CYTH1: variants seen among roughly 807,000 people sequenced by gnomAD.
The protein encoded by CYTH1 is cytohesin 1.
A neutral mutation model predicts 61.8 loss-of-function variants in CYTH1; 18 were observed. The ratio of observed to expected loss-of-function variants is 0.29; its 90% CI spans 0.20 to 0.43. The LOEUF is 0.43. CYTH1 is among the 20% of genes least tolerant of loss of function. CYTH1 has a pLI of 1.00. For missense variants in CYTH1, 336 were observed against 510.5 expected, an observed-to-expected ratio of 0.66 and a Z score of 3.29; for synonymous variants, 174 against 184.3, an observed-to-expected ratio of 0.94 and a Z score of 0.45.
intron 9 of CYTH1, among the ~76,000 whole-genome samples, chr17:78,696,430 C>G (rs960478999): frequency 1.3e-5 from 2 of 152,220 alleles, no homozygotes; most frequent in Non-Finnish European, 2.9e-5. Flanking sequence ...AGAATGCACA[C>G]ACATATACCC....
At chr17:78,738,618 C>G (rs2093330424) in intron 1 of CYTH1, among the ~76,000 whole-genome samples, 1 of 148,064 alleles carries the variant, frequency 6.8e-6, no homozygotes, top group Non-Finnish European at 1.5e-5. Flanking sequence ...AATACATATG[C>G]ATATATTTAA....
chr17:78,766,011 T>G lies in CYTH1; in HGVS notation c.22+16191A>C, dbSNP rs2093447008. On this transcript the variant is annotated intron_variant, in intron 1 of 13. Transcript: ENST00000446868. ...TGGCTCAAACCTGTAATCCCAGCAC[T>G]TTGGGGGTGGGAGGATCGTCTGAGC... Among the ~76,000 whole-genome samples the G allele has an allele frequency of 2.8e-5, 4 of 140,724 alleles. No homozygotes were observed. In the Admixed American group the frequency reaches 3.1e-4, roughly 11 times the overall value. 92.3% of individuals were successfully genotyped at this position (140,724 alleles called of 152,430 possible).
chr17:78,774,306 G>A (rs1567887456), intron 1 of CYTH1, among the ~76,000 whole-genome samples: 1 of 152,222 alleles, frequency 6.6e-6, no homozygotes, highest in Non-Finnish European at 1.5e-5. Context: ...GATTTTCTAA[G>A]AAGGTGTTCA....
intron 13 of CYTH1, chr17:78,676,692 G>A (rs1437031957): frequency 1.3e-5 from 4 of 317,648 alleles, no homozygotes; most frequent in Non-Finnish European, 2.5e-5. Flanking sequence ...CCAGCACGAT[G>A]CTGCTGGTGG....
chr17:78,701,773 T>C (rs1904658084), intron 5 of CYTH1, 22 bp from the exon 6 acceptor site: 4 of 1,612,366 alleles, frequency 2.5e-6, no homozygotes, highest in African/African-American at 1.3e-5. Context: ...AGACAAAAAA[T>C]GGGAGAGAAA....
intron 13 of CYTH1, among the ~76,000 whole-genome samples, chr17:78,679,877 C>A (rs773201715): frequency 1.3e-5 from 2 of 152,184 alleles, no homozygotes; most frequent in African/African-American, 4.8e-5. Flanking sequence ...AGAATGAGAG[C>A]GGCTTCGTCA....
chr17:78,758,938 C>T (rs1477078944), intron 1 of CYTH1, among the ~76,000 whole-genome samples: 3 of 152,056 alleles, frequency 2.0e-5, no homozygotes, highest in South Asian at 2.1e-4. Flanking sequence ...CAGTAGGTCT[C>T]GTTATCTACT....
chr17:78,687,072 C>T lies in CYTH1; in HGVS notation c.891+5345G>A, dbSNP rs12946925. ...CTGGGATTACAGGAGTGAGCCACCG[C>T]GCCCAGCCTACATTACATTTATTGT... is the stretch of plus-strand genomic sequence containing the variant. On this transcript the variant is annotated intron_variant, in intron 11 of 13. Transcript: ENST00000446868. Among the ~76,000 whole-genome samples, 264 of 152,188 alleles carry T rather than the reference C, an allele frequency of 1.7e-3. 1 individual carries two copies. In the East Asian group the frequency reaches 0.035, roughly 20 times the overall value.
chr17:78,755,665 G>A (rs746352115), intron 1 of CYTH1, among the ~76,000 whole-genome samples: 2 of 152,016 alleles, frequency 1.3e-5, no homozygotes, highest in African/African-American at 2.4e-5. Context: ...GACATGAAGC[G>A]GCGGCCAGGC....
chr17:78,700,617 C>T lies in CYTH1; in HGVS notation c.438-174G>A, dbSNP rs1277757305. Among the ~76,000 whole-genome samples, 3 of 151,990 alleles carry T rather than the reference C, an allele frequency of 2.0e-5. No individual in the cohort carries two copies. Among genetic ancestry groups the T allele is most frequent in the Non-Finnish European group, 2.9e-5 (2 of 67,998 alleles). ...TTGGCTCACTGCAACCTCTGCCTGC[C>T]GGGTTCAGGCAATCTTCTGCCTCAG... On this transcript the variant is annotated intron_variant, in intron 6 of 13. Transcript: ENST00000446868. The surrounding 1 kb of genome is among the most constrained non-coding windows in gnomAD (Gnocchi z 5.1).
intron 1 of CYTH1, among the ~76,000 whole-genome samples, chr17:78,724,736 T>A (rs537101666): frequency 3.9e-5 from 6 of 152,116 alleles, no homozygotes; most frequent in Non-Finnish European, 7.4e-5. Flanking sequence ...CGTTAGGAAA[T>A]CAGTCATGGA....
At chr17:78,716,328 A>G (rs571263282) in intron 1 of CYTH1, among the ~76,000 whole-genome samples, 4 of 152,324 alleles carry the variant, frequency 2.6e-5, no homozygotes, top group African/African-American at 9.6e-5. Flanking sequence ...ATACATATAT[A>G]TATGTACTAT....
At chr17:78,718,236 C>CACACACAA (rs1376535737) in intron 1 of CYTH1, among the ~76,000 whole-genome samples, 16 of 150,412 alleles carry the variant, frequency 1.1e-4, no homozygotes, top group African/African-American at 3.9e-4. Flanking sequence ...CACACACACA[C>CACACACAA]ACACACACAC....
At chr17:78,709,861 G>T in intron 1 of CYTH1, 129 bp from the exon 2 acceptor site, 1 of 729,846 alleles carries the variant, frequency 1.4e-6, no homozygotes, top group Non-Finnish European at 2.3e-6. Context: ...ATGACTGAGT[G>T]ATAGAAATAG....
chr17:78,757,439 T>C (rs923468490), intron 1 of CYTH1, among the ~76,000 whole-genome samples: 38 of 152,144 alleles, frequency 2.5e-4, no homozygotes, highest in African/African-American at 6.0e-4. Context: ...GCAAGGCCCA[T>C]AGAGTGTCCA....
chr17:78,741,608 C>G (rs753011023), intron 1 of CYTH1, among the ~76,000 whole-genome samples: 1 of 152,136 alleles, frequency 6.6e-6, no homozygotes, highest in Non-Finnish European at 1.5e-5. Context: ...ACAGGGGCAG[C>G]CCCCATCACT....
intron 11 of CYTH1, chr17:78,692,105 G>T: frequency 3.5e-6 from 1 of 286,200 alleles, no homozygotes; most frequent in Non-Finnish European, 6.6e-6. Flanking sequence ...GGCAACCAAT[G>T]CAAATTCATT....
Position 78,692,467 on chromosome 17 carries a change from G to A in CYTH1, c.841C>T (p.Arg281Cys). ...CAGTTGTCAGTCAGAATGAACCAGC[G>A]TCTCTTCCAAGTCTTTACCCTGCCA... ...GGGRVKTWKR[R>C]WFILTDNCLY... The change falls in exon 11 of 14, where the codon CGC becomes TGC. Residue 281 changes from arginine (R) to cysteine (C), a missense_variant. Coordinates refer to ENST00000446868, the MANE Select transcript of CYTH1 (RefSeq NM_004762.6). The A allele has an allele frequency of 1.2e-6, 2 of 1,614,002 alleles. No homozygotes were observed. The highest frequency in any genetic ancestry group is 1.7e-6 in the Non-Finnish European group (2 of 1,179,980).
intron 9 of CYTH1, among the ~76,000 whole-genome samples, chr17:78,697,880 A>C (rs2092957741): frequency 6.6e-6 from 1 of 152,216 alleles, no homozygotes; most frequent in African/African-American, 2.4e-5. Context: ...TTGAAACAAA[A>C]CCTGGTCAAC....
Sources: allele counts gnomAD v4.1 joint callset (sites outside exome capture counted in the v4.1 genomes callset), GRCh38; gene constraint gnomAD v4.1.1; non-coding constraint Gnocchi (gnomAD v3.1); transcripts MANE v1.5; gene names NCBI Gene and HGNC (gene_info 2026-07-23, HGNC 2026-07-21).